Variants in DNAH14 observed in about 807,000 individuals in gnomAD.
DNAH14 encodes axonemal beta dynein heavy chain 14.
In DNAH14, 478 loss-of-function variants were observed where a neutral mutation model predicts 520.9. That is an observed-to-expected ratio of 0.92 (90% CI 0.85 to 0.99). The LOEUF (loss-of-function observed/expected upper bound fraction) is 0.99. Among genes scored for constraint, DNAH14 ranks in the 50% least tolerant of loss-of-function variants. The pLI is 0.00. For synonymous variants in DNAH14, 1,581 were observed against 1,757.2 expected (o/e 0.90, Z 2.51); for missense variants, 4,831 against 5,234.5 (o/e 0.92, Z 2.38).
chr1:225,351,844 A>G lies in DNAH14; in HGVS notation c.11494A>G (p.Asn3832Asp). The change falls in exon 72 of 86, where the codon AAT (asparagine) becomes GAT (aspartate). Residue 3832 changes from asparagine to aspartate, a missense_variant. Transcript: ENST00000682510. ...GATCAGCACACCTTTCTCTTCAGAA[A>G]ATGCTTCATTGGAGGAAAATACAAA... ...SLISTPFSSE[N>D]ASLEENTKPP... 6.4e-7 allele frequency: 1 copy of G among 1,551,214 alleles called. No homozygotes were observed. The highest frequency in any genetic ancestry group is 1.2e-5 in the South Asian group (1 of 83,996).
chr1:225,107,785 C>T (rs1217812949), intron 23 of DNAH14, among the ~76,000 whole-genome samples: 1 of 152,136 alleles, frequency 6.6e-6, no homozygotes, highest in Admixed American at 6.5e-5. Context: ...CCCTTTTCTC[C>T]ATATCCTTGC....
chr1:225,157,589 A>T (rs1052514712), intron 34 of DNAH14, among the ~76,000 whole-genome samples: 4 of 152,008 alleles, frequency 2.6e-5, no homozygotes, highest in Non-Finnish European at 5.9e-5. Flanking sequence ...TATTTAAGCT[A>T]TTTTCTCTCC....
Position 225,185,399 on chromosome 1 carries a change from G to A in DNAH14, c.5644G>A (p.Val1882Ile), listed in dbSNP as rs6679852. 5 of 1,533,740 alleles carry A rather than the reference G, an allele frequency of 3.3e-6. No homozygotes were observed. The highest frequency in any genetic ancestry group is 4.4e-6 in the Non-Finnish European group (5 of 1,140,778). Reference sequence around the variant, plus strand: ...ATTACCAATTGCAGACTTCTTATCAGTTGCAGAAAGAAAATCTGCTTCAAA... The same window carrying A: ...ATTACCAATTGCAGACTTCTTATCAATTGCAGAAAGAAAATCTGCTTCAAA... ...TLLPIADFLS[V>I]AERKSASKIS... Residue 1882 changes from valine to isoleucine, a missense_variant, in exon 37 of 86, where the codon GTT becomes ATT. Physicochemically the swap from Val to Ile is conservative, Grantham distance 29 (BLOSUM62 3). Transcript: ENST00000682510.
chr1:225,340,802 C>T, intron 69 of DNAH14, 101 bp downstream of exon 69: 1 of 1,306,244 alleles, frequency 7.7e-7, no homozygotes, highest in Non-Finnish European at 1.0e-6. Flanking sequence ...TACCAAATCT[C>T]CATTTCCACC....
chr1:225,189,920 T>C (rs2149340363), intron 37 of DNAH14, among the ~76,000 whole-genome samples: 1 of 152,108 alleles, frequency 6.6e-6, no homozygotes, highest in Non-Finnish European at 1.5e-5. Flanking sequence ...GATTCCTTCT[T>C]CATTTCCTTT....
chr1:225,207,338 G>A (rs1421785677), intron 41 of DNAH14, 118 bp downstream of exon 41: 2 of 1,067,342 alleles, frequency 1.9e-6, no homozygotes, highest in Non-Finnish European at 2.5e-6. Context: ...AGTCTATTTG[G>A]ACCAACAGCA....
intron 22 of DNAH14, 29 bp from the exon 23 acceptor site, chr1:225,100,684 T>A: frequency 1.4e-6 from 2 of 1,460,178 alleles, no homozygotes; most frequent in Non-Finnish European, 1.8e-6. Flanking sequence ...TTAAAAAAAA[T>A]AAAATGACAT....
chr1:224,970,382 G>T (rs1013656096), intron 7 of DNAH14, among the ~76,000 whole-genome samples: 3 of 152,116 alleles, frequency 2.0e-5, no homozygotes, highest in South Asian at 2.1e-4. Context: ...TTTTAATTTC[G>T]CCCCGGTCCT....
intron 76 of DNAH14, 144 bp from the exon 77 acceptor site, chr1:225,367,661 T>G: frequency 3.2e-6 from 2 of 627,138 alleles, no homozygotes; most frequent in South Asian, 2.1e-5. Context: ...AAGAATAACA[T>G]GAGATTTTGG....
At chr1:225,031,918 C>T (rs566089572) in intron 11 of DNAH14, among the ~76,000 whole-genome samples, 17 of 152,082 alleles carry the variant, frequency 1.1e-4, no homozygotes, top group Admixed American at 4.6e-4. Context: ...GAAAAACAAT[C>T]TAGTATTTCT....
intron 17 of DNAH14, among the ~76,000 whole-genome samples, chr1:225,061,290 C>T (rs545350375): frequency 3.3e-5 from 5 of 152,312 alleles, no homozygotes; most frequent in African/African-American, 1.2e-4. Flanking sequence ...AGCGTGGCTC[C>T]GTGGGCGTAG....
chr1:225,061,295 GC>G (rs2070059298), intron 17 of DNAH14, among the ~76,000 whole-genome samples: 1 of 152,232 alleles, frequency 6.6e-6, no homozygotes, highest in African/African-American at 2.4e-5. Context: ...GGCTCCGTGG[GC>G]GTAGGACCCT....
chr1:225,258,802 G>A (rs2092828814), intron 45 of DNAH14, among the ~76,000 whole-genome samples: 2 of 152,088 alleles, frequency 1.3e-5, no homozygotes, highest in South Asian at 4.1e-4. Context: ...CTCAAATTGG[G>A]TTGGCAGAAA....
At chr1:224,956,263 T>A (rs1479080843) in intron 3 of DNAH14, among the ~76,000 whole-genome samples, 1 of 152,142 alleles carries the variant, frequency 6.6e-6, no homozygotes, top group East Asian at 1.9e-4. Flanking sequence ...CTGTTCTCTC[T>A]GGACTAGACC....
chr1:225,192,829 G>A lies in DNAH14; in HGVS notation c.5804G>A (p.Ser1935Asn). The A allele has an allele frequency of 6.5e-7, 1 of 1,550,226 alleles. No individual in the cohort carries two copies. The highest frequency in any genetic ancestry group is 8.7e-7 in the Non-Finnish European group (1 of 1,146,102). ...TDGLLSATIR[S>N]YVYFNTPKNT... ...GGATTATTATCAGCAACAATTCGAA[G>A]TTATGTATATTTTAACACACCAAAG... is the stretch of plus-strand genomic sequence containing the variant. Residue 1935 changes from serine (S) to asparagine (N), a missense_variant, in exon 38 of 86, where the codon AGT becomes AAT. Physicochemically the swap from Ser to Asn is conservative, Grantham distance 46 (BLOSUM62 1). Coordinates refer to ENST00000682510, the MANE Select transcript of DNAH14 (RefSeq NM_001367479.1).
At chr1:225,162,240 C>CCGAA (rs1485562381) in intron 35 of DNAH14, among the ~76,000 whole-genome samples, 1 of 152,098 alleles carries the variant, frequency 6.6e-6, no homozygotes, top group Non-Finnish European at 1.5e-5. Context: ...ATCCAGTTTT[C>CCGAA]CCAGCACCAT....
intron 22 of DNAH14, among the ~76,000 whole-genome samples, chr1:225,098,283 A>G (rs565622526): frequency 3.4e-4 from 51 of 151,102 alleles, no homozygotes; most frequent in Non-Finnish European, 2.9e-4. Context: ...AAAAAATTCT[A>G]CCTTTAAAAA....
intron 8 of DNAH14, among the ~76,000 whole-genome samples, chr1:224,984,505 G>T (rs1040427334): frequency 6.6e-6 from 1 of 151,964 alleles, no homozygotes; most frequent in Non-Finnish European, 1.5e-5. Context: ...GACCAAAAAC[G>T]CAAAAACAAT....
At chr1:225,299,149 A>G (rs1426138822) in intron 55 of DNAH14, among the ~76,000 whole-genome samples, 1 of 152,250 alleles carries the variant, frequency 6.6e-6, no homozygotes, top group Non-Finnish European at 1.5e-5. Flanking sequence ...CAGGCCCAGA[A>G]TATACTATAT....
Sources: allele counts gnomAD v4.1 joint callset (sites outside exome capture counted in the v4.1 genomes callset), GRCh38; gene constraint gnomAD v4.1.1; transcripts MANE v1.5; gene names NCBI Gene and HGNC (gene_info 2026-07-23, HGNC 2026-07-21).